Variants in UNC5D observed in about 807,000 individuals in gnomAD.
UNC5D encodes unc-5 netrin receptor D, also known as netrin receptor UNC5D.
In UNC5D, 39 loss-of-function variants were observed where a neutral mutation model predicts 105.4. That is an observed-to-expected ratio of 0.37 (90% CI 0.29 to 0.48). The LOEUF is 0.48. Ranked by LOEUF, UNC5D falls within the 20% of genes least tolerant of loss-of-function variation. The pLI, the probability that UNC5D is intolerant of heterozygous loss-of-function variation, is 0.98. For synonymous variants in UNC5D, 452 were observed against 450.4 expected, an observed-to-expected ratio of 1.00 and a Z score of -0.04; for missense variants, 991 against 1,202.4, an observed-to-expected ratio of 0.82 and a Z score of 2.60.
intron 1 of UNC5D, among the ~76,000 whole-genome samples, chr8:35,457,981 A>AG (rs1317747656): frequency 6.6e-6 from 1 of 152,146 alleles, no homozygotes; most frequent in Non-Finnish European, 1.5e-5. Flanking sequence ...TTCAAAGTTG[A>AG]GGTAAAGCAT....
chr8:35,777,291 C>A (rs1802294381), intron 16 of UNC5D, among the ~76,000 whole-genome samples: 2 of 152,150 alleles, frequency 1.3e-5, no homozygotes, highest in Non-Finnish European at 2.9e-5. Flanking sequence ...TGCCTCTTGC[C>A]CCAGCTATTT....
rs762833630 is a variant in UNC5D at position 35,744,818 on chromosome 8, C to T, written c.1767-3709C>T. The stretch of plus-strand genomic sequence containing the variant: ...CTATAATCCCAGCACTTTGAGAGGC[C>T]GAGGTGGGTGGATCACCTGAGGTCA... On this transcript the variant is annotated intron_variant, in intron 11 of 16. Transcript: ENST00000404895. Among the ~76,000 whole-genome samples the T allele has an allele frequency of 3.9e-5, 6 of 152,026 alleles. 1 individual carries two copies. The highest frequency in any genetic ancestry group is 1.3e-4 in the Admixed American group (2 of 15,266).
At chr8:35,373,911 T>C (rs971420658) in intron 1 of UNC5D, among the ~76,000 whole-genome samples, 1 of 152,232 alleles carries the variant, frequency 6.6e-6, no homozygotes, top group African/African-American at 2.4e-5. Flanking sequence ...GATCTTTCTT[T>C]CTCAGGCATG....
chr8:35,568,973 C>G (rs1166626897), intron 3 of UNC5D, among the ~76,000 whole-genome samples: 1 of 150,908 alleles, frequency 6.6e-6, no homozygotes. Context: ...TTATAACCTA[C>G]TGTTCAATCT....
chr8:35,361,743 T>C (rs1375032223), intron 1 of UNC5D, among the ~76,000 whole-genome samples: 1 of 152,158 alleles, frequency 6.6e-6, no homozygotes, highest in Non-Finnish European at 1.5e-5. Flanking sequence ...GTCCACCATT[T>C]TCAATAGTGT....
At chr8:35,449,376 G>A (rs1221183332) in intron 1 of UNC5D, among the ~76,000 whole-genome samples, 1 of 152,022 alleles carries the variant, frequency 6.6e-6, no homozygotes. Context: ...TCTGCTCGTG[G>A]TCTCTGACTC....
chr8:35,244,641 CAG>C (rs1802980352), intron 1 of UNC5D, among the ~76,000 whole-genome samples: 1 of 152,078 alleles, frequency 6.6e-6, no homozygotes, highest in African/African-American at 2.4e-5. Context: ...TTTGAAAAAT[CAG>C]GGGATTTAAA....
intron 8 of UNC5D, among the ~76,000 whole-genome samples, chr8:35,720,518 TTC>T (rs1828516973): frequency 6.6e-6 from 1 of 152,210 alleles, no homozygotes; most frequent in Non-Finnish European, 1.5e-5. Context: ...ATCTGCTGTG[TTC>T]TGTGTCCTCT....
intron 1 of UNC5D, among the ~76,000 whole-genome samples, chr8:35,301,296 A>G (rs773045044): frequency 1.3e-5 from 2 of 152,226 alleles, no homozygotes; most frequent in Non-Finnish European, 2.9e-5. Flanking sequence ...AAATAAGTCA[A>G]TAAATAACAA....
At chr8:35,656,226 T>G (rs1823725828) in intron 4 of UNC5D, among the ~76,000 whole-genome samples, 1 of 152,130 alleles carries the variant, frequency 6.6e-6, no homozygotes, top group Admixed American at 6.5e-5. Flanking sequence ...ACAATAACTT[T>G]AGTGCAAGGG....
chr8:35,571,330 C>G (rs962265888), intron 3 of UNC5D, among the ~76,000 whole-genome samples: 2 of 152,236 alleles, frequency 1.3e-5, no homozygotes, highest in Admixed American at 1.3e-4. Flanking sequence ...TTATTAAAGC[C>G]TAAATTATCC....
chr8:35,703,374 G>A (rs1304197009), intron 7 of UNC5D, among the ~76,000 whole-genome samples: 1 of 152,154 alleles, frequency 6.6e-6, no homozygotes, highest in Admixed American at 6.5e-5. Flanking sequence ...TTTACTGTGA[G>A]AATACTGAGG....
intron 1 of UNC5D, among the ~76,000 whole-genome samples, chr8:35,466,844 A>C (rs1451009422): frequency 6.6e-6 from 1 of 152,216 alleles, no homozygotes; most frequent in South Asian, 2.1e-4. Context: ...CATGCTCCCA[A>C]GTGCAGTATA....
At chr8:35,589,087 G>A (rs537944481) in intron 3 of UNC5D, among the ~76,000 whole-genome samples, 5 of 151,728 alleles carry the variant, frequency 3.3e-5, no homozygotes, top group Non-Finnish European at 7.4e-5. Context: ...GTTTAATGCA[G>A]GTGTACTTAC....
intron 1 of UNC5D, among the ~76,000 whole-genome samples, chr8:35,415,795 A>G (rs1805490387): frequency 6.6e-6 from 1 of 152,106 alleles, no homozygotes; most frequent in South Asian, 2.1e-4. Flanking sequence ...TCTGCTCCCT[A>G]TTCTCCTACT....
At chr8:35,516,138 T>C (rs1408661247) in intron 1 of UNC5D, among the ~76,000 whole-genome samples, 1 of 152,196 alleles carries the variant, frequency 6.6e-6, no homozygotes, top group African/African-American at 2.4e-5. Flanking sequence ...TTCCACTTTC[T>C]TGAAAAAGGC....
chr8:35,477,307 T>A lies in UNC5D; in HGVS notation c.104-71985T>A, dbSNP rs554387264. 1.1e-4 allele frequency among the ~76,000 whole-genome samples: 17 copies of A among 152,266 alleles called. 1 individual carries two copies. In the South Asian group the frequency reaches 3.5e-3, roughly 32 times the overall value. ...ACTTCTAGTTTGAATAATGCTTCCA[T>A]AAGGCTGAGACTCATAGTATTTTAT... On this transcript the variant is annotated intron_variant, in intron 1 of 16. Transcript: ENST00000404895.
chr8:35,649,618 C>T (rs1471025222), intron 4 of UNC5D, among the ~76,000 whole-genome samples: 1 of 152,052 alleles, frequency 6.6e-6, no homozygotes, highest in Non-Finnish European at 1.5e-5. Context: ...TGGAAAACAC[C>T]ACCTGAACCA....
At position 35,792,260 on chromosome 8, in the gene UNC5D, G is replaced by A. The variant is rs1405959008; in HGVS notation, c.*1697G>A. Reference sequence around the variant, plus strand: ...CCAAGTGAAAAAGGCCTAAAGATGAGTTGAATTTGTGATACCATGGGTAAG... The same window carrying A: ...CCAAGTGAAAAAGGCCTAAAGATGAATTGAATTTGTGATACCATGGGTAAG... On this transcript the variant is annotated 3_prime_UTR_variant, in exon 17 of 17. Coordinates refer to ENST00000404895, the MANE Select transcript of UNC5D (RefSeq NM_080872.4). 6.6e-6 allele frequency: 1 copy of A among 152,094 alleles called. No individual in the cohort carries two copies. The highest frequency in any genetic ancestry group is 1.5e-5 in the Non-Finnish European group (1 of 68,010). 9.4% of individuals were successfully genotyped at this position (152,094 alleles called of 1,614,324 possible). A position where few individuals can be genotyped will look rare whatever the true frequency, so the allele number is the denominator to read the frequency against.
Sources: gnomAD v4.1 joint callset for allele counts (sites outside exome capture counted in the v4.1 genomes callset) on GRCh38, gnomAD v4.1.1 for gene constraint, MANE v1.5 for transcripts, NCBI Gene and HGNC (gene_info 2026-07-23, HGNC 2026-07-21) for gene names.